Variants in YWHAZ observed in about 807,000 individuals in gnomAD.
The protein encoded by YWHAZ is tyrosine 3-monooxygenase/tryptophan 5-monooxygenase activation protein zeta, also known as 14-3-3 protein zeta/delta.
For missense variants in YWHAZ, 79 were observed against 284.8 expected, an observed-to-expected ratio of 0.28 and a Z score of 5.20; for synonymous variants, 87 against 103.6, an observed-to-expected ratio of 0.84 and a Z score of 0.97.
At position 100,916,554 on chromosome 8, in the gene YWHAZ, G is replaced by C. The variant is rs778544019; in HGVS notation, c.*4139C>G. 6.6e-6 allele frequency: 1 copy of C among 152,230 alleles called. No homozygotes were observed. Among genetic ancestry groups the C allele is most frequent in the Non-Finnish European group, 1.5e-5 (1 of 68,044 alleles). 9.4% of individuals were successfully genotyped at this position (152,230 alleles called of 1,614,324 possible). On this transcript the variant is annotated 3_prime_UTR_variant, in exon 6 of 6. Transcript: ENST00000395958. Reference sequence around the variant, plus strand: ...AAGCAAACATCCAATGTTAGAAAATGTAAGCACAAACTGAAAATTCATAGG... The same window carrying C: ...AAGCAAACATCCAATGTTAGAAAATCTAAGCACAAACTGAAAATTCATAGG...
At chr8:100,930,796 G>A (rs115010316) in intron 2 of YWHAZ, among the ~76,000 whole-genome samples, 293 of 152,230 alleles carry the variant, frequency 1.9e-3, no homozygotes, top group African/African-American at 6.9e-3. Context: ...GTCTTTTAAA[G>A]ATATCATGGC....
At chr8:100,943,791 C>T (rs1190889604) in intron 2 of YWHAZ, among the ~76,000 whole-genome samples, 1 of 152,144 alleles carries the variant, frequency 6.6e-6, no homozygotes, top group Non-Finnish European at 1.5e-5. Context: ...CCAAGACCAT[C>T]TTGGCTAACA....
rs1430062051 is a variant in YWHAZ at position 100,924,603 on chromosome 8, A to G, written c.419-305T>C. ...CACCTCAGCCTCCAGATTAGCTGGG[A>G]CCAAAGGCTTGCACCACCATGCCCA... On this transcript the variant is annotated intron_variant, in intron 3 of 5. Transcript: ENST00000395958. This position sits in a 1 kb window ranked among gnomAD's most constrained non-coding sequence, Gnocchi z 5.7. 5.9e-5 allele frequency among the ~76,000 whole-genome samples: 9 copies of G among 152,292 alleles called. No homozygotes were observed. Among genetic ancestry groups the G allele is most frequent in the Admixed American group, 4.6e-4 (7 of 15,298 alleles).
rs1479431821 is a variant in YWHAZ, at chr8:100,924,998, T to C, written c.336A>G (p.Ala112=). ...TTTTCAAATAGAAGACTTTGCTCTC[T>C]GCTTGTGAAGCATTGGGGATCAAGA... is the stretch of plus-strand genomic sequence containing the variant. ...EKFLIPNASQ[A]ESKVFYLKMK... is the part of the protein sequence containing the mutation. Residue 112 remains alanine (A), a synonymous_variant, in exon 3 of 6, where the codon GCA becomes GCG. Transcript: ENST00000395958. This position sits in a 1 kb window ranked among gnomAD's most constrained non-coding sequence, Gnocchi z 5.7. The C allele has an allele frequency of 6.2e-7, 1 of 1,613,952 alleles. No homozygotes were observed. The highest frequency in any genetic ancestry group is 1.3e-5 in the African/African-American group (1 of 74,932).
At chr8:100,945,875 C>T (rs1212326812) in intron 2 of YWHAZ, among the ~76,000 whole-genome samples, 1 of 151,948 alleles carries the variant, frequency 6.6e-6, no homozygotes, top group African/African-American at 2.4e-5. Context: ...AGAAGCCTTT[C>T]TGCTTGTTTA....
In YWHAZ at chr8:100,948,734, T is replaced by C. The variant is rs1191630404; in HGVS notation, c.156A>G (p.Val52=). ...CCCTCCAAGATGACCTACGGGCTCC[T>C]ACAACATTTTTATAAGCAACTGAGA... ...NLLSVAYKNV[V]GARRSSWRVV... Residue 52 remains valine, a synonymous_variant, in exon 2 of 6, where the codon GTA becomes GTG. Coordinates refer to ENST00000395958, the MANE Select transcript of YWHAZ (RefSeq NM_145690.3). This position sits in a 1 kb window ranked among gnomAD's most constrained non-coding sequence, Gnocchi z 4.2. 6.2e-7 allele frequency: 1 copy of C among 1,600,030 alleles called. No individual in the cohort carries two copies. The highest frequency in any genetic ancestry group is 1.1e-5 in the South Asian group (1 of 91,030).
At chr8:100,925,403 A>G (rs556431747) in intron 2 of YWHAZ, among the ~76,000 whole-genome samples, 7 of 152,216 alleles carry the variant, frequency 4.6e-5, no homozygotes, top group Non-Finnish European at 1.0e-4. Flanking sequence ...TCATGTGGTC[A>G]TGACATGAAA....
chr8:100,930,455 A>G (rs1031739502), intron 2 of YWHAZ, among the ~76,000 whole-genome samples: 1 of 152,184 alleles, frequency 6.6e-6, no homozygotes, highest in Non-Finnish European at 1.5e-5. Flanking sequence ...AAAATTTTTC[A>G]ATTATCACAG....
chr8:100,918,408 T>TTATATATA lies in YWHAZ; in HGVS notation c.*2277_*2284dup, dbSNP rs71572094. ...AGTCTAGCTATAAAATATAATTACT[T>TTATATATA]TATATATATATATATATATATATAT... On this transcript the variant is annotated 3_prime_UTR_variant, in exon 6 of 6. Transcript: ENST00000395958. 0.036 allele frequency: 1,493 copies of TTATATATA among 41,592 alleles called. 114 individuals are homozygous for TTATATATA. The highest frequency in any genetic ancestry group is 0.046 in the Non-Finnish European group (949 of 20,652). 2.6% of individuals were successfully genotyped at this position (41,592 alleles called of 1,614,324 possible). A position where few individuals can be genotyped will look rare whatever the true frequency, so the allele number is the denominator to read the frequency against.
Position 100,948,490 on chromosome 8 carries a change from C to T in YWHAZ, c.294+106G>A. 1 of 1,279,500 alleles carries T rather than the reference C, an allele frequency of 7.8e-7. No individual in the cohort carries two copies. Among genetic ancestry groups the T allele is most frequent in the African/African-American group, 1.5e-5 (1 of 67,308 alleles). The allele number at this position is 1,279,500 out of a possible 1,614,324, so 79.3% of individuals were successfully genotyped here. ...TGAAGACTTTTAAATTTGGAACACA[C>T]AATGTTTAGAAGGAAAAGAAAAACC... On this transcript the variant is annotated intron_variant, in intron 2 of 5. Coordinates refer to ENST00000395958, the MANE Select transcript of YWHAZ (RefSeq NM_145690.3). This position sits in a 1 kb window ranked among gnomAD's most constrained non-coding sequence, Gnocchi z 4.2.
At chr8:100,926,542 C>A (rs1813376582) in intron 2 of YWHAZ, among the ~76,000 whole-genome samples, 1 of 152,110 alleles carries the variant, frequency 6.6e-6, no homozygotes, top group South Asian at 2.1e-4. Context: ...CTGCTTGAGC[C>A]CGAGAGATAG....
At chr8:100,951,157 C>G (rs1810732627) in intron 1 of YWHAZ, 1 of 984,924 alleles carries the variant, frequency 1.0e-6, no homozygotes, top group East Asian at 1.1e-4. Context: ...AGCTCTAGGT[C>G]CCAGGCGAGC....
Position 100,922,989 on chromosome 8 carries a change from A to G in YWHAZ, c.678+966T>C, listed in dbSNP as rs1813134522. ...ATAGATAGCTCCAAATTGTGCTAAT[A>G]AAGTAATTTTAGGTTTAATAAACAA... On this transcript the variant is annotated intron_variant, in intron 5 of 5. Transcript: ENST00000395958. This position sits in a 1 kb window ranked among gnomAD's most constrained non-coding sequence, Gnocchi z 4.1. 2 of 152,230 alleles carry G rather than the reference A, an allele frequency of 1.3e-5. No homozygotes were observed. The highest frequency in any genetic ancestry group is 4.8e-5 in the African/African-American group (2 of 41,452). The allele number at this position is 152,230 out of a possible 1,614,324, so 9.4% of individuals were successfully genotyped here.
chr8:100,917,975 T>C lies in YWHAZ; in HGVS notation c.*2718A>G, dbSNP rs1812772522. 6.6e-6 allele frequency: 1 copy of C among 152,190 alleles called. No individual in the cohort carries two copies. Among genetic ancestry groups the C allele is most frequent in the Admixed American group, 6.5e-5 (1 of 15,268 alleles). The allele number at this position is 152,190 out of a possible 1,614,324, so 9.4% of individuals were successfully genotyped here. ...GTGAAGTGTTTTCATTATTCCAGGA[T>C]CAACCTAGTTCAGATGACTGATGCA... On this transcript the variant is annotated 3_prime_UTR_variant, in exon 6 of 6. Transcript: ENST00000395958.
rs1365516201 is a variant in YWHAZ at position 100,919,562 on chromosome 8, T to C, written c.*1131A>G. On this transcript the variant is annotated 3_prime_UTR_variant, in exon 6 of 6. Transcript: ENST00000395958. ...AGTATTTTTGTTATGATAAATTTTGTGTTTAAACTTGGTAAGAGCCCATTA... is the reference window on the plus strand; with the variant it reads ...AGTATTTTTGTTATGATAAATTTTGCGTTTAAACTTGGTAAGAGCCCATTA... 1 of 152,294 alleles carries C rather than the reference T, an allele frequency of 6.6e-6. No individual in the cohort carries two copies. Among genetic ancestry groups the C allele is most frequent in the Admixed American group, 6.5e-5 (1 of 15,284 alleles). 9.4% of individuals were successfully genotyped at this position (152,294 alleles called of 1,614,324 possible).
At chr8:100,949,470 A>G (rs530870196) in intron 1 of YWHAZ, among the ~76,000 whole-genome samples, 1 of 152,244 alleles carries the variant, frequency 6.6e-6, no homozygotes, top group East Asian at 1.9e-4. Flanking sequence ...ACTGCCAGCC[A>G]ATAATAGCAT....
intron 2 of YWHAZ, among the ~76,000 whole-genome samples, chr8:100,932,489 G>C (rs907099310): frequency 5.9e-5 from 9 of 152,068 alleles, no homozygotes; most frequent in Admixed American, 5.9e-4. Flanking sequence ...TTAAAAGTTT[G>C]TCTCAAGACA....
At chr8:100,929,837 A>T (rs1383362139) in intron 2 of YWHAZ, among the ~76,000 whole-genome samples, 2 of 152,222 alleles carry the variant, frequency 1.3e-5, no homozygotes, top group African/African-American at 4.8e-5. Flanking sequence ...AGAACAAAAG[A>T]AAAAGGAAGC....
At chr8:100,951,047 TC>T in intron 1 of YWHAZ, 1 of 74,276 alleles carries the variant, frequency 1.3e-5, no homozygotes, top group Non-Finnish European at 2.0e-5. Context: ...CGTCCACACC[TC>T]CCCCGCCCGT....
Sources: gnomAD v4.1 joint callset for allele counts (sites outside exome capture counted in the v4.1 genomes callset) on GRCh38, gnomAD v4.1.1 for gene constraint, Gnocchi (gnomAD v3.1) non-coding constraint, MANE v1.5 for transcripts, NCBI Gene and HGNC (gene_info 2026-07-23, HGNC 2026-07-21) for gene names.